Variants in TMEM132D observed in about 807,000 individuals in gnomAD.
The protein encoded by TMEM132D is mature OL transmembrane protein.
A neutral mutation model predicts 62.3 loss-of-function variants in TMEM132D; 21 were observed. That is an observed-to-expected ratio of 0.34 (90% CI 0.24 to 0.49). The LOEUF is 0.49. Ranked by LOEUF, TMEM132D falls within the 20% of genes least tolerant of loss-of-function variation. TMEM132D has a pLI of 0.99. For synonymous variants in TMEM132D, 621 were observed against 575.6 expected (o/e 1.08, Z -1.13); for missense variants, 1,346 against 1,402.8 (o/e 0.96, Z 0.65).
At chr12:129,524,755 G>T (rs528389076) in intron 3 of TMEM132D, among the ~76,000 whole-genome samples, 2 of 151,716 alleles carry the variant, frequency 1.3e-5, no homozygotes, top group South Asian at 2.1e-4. Context: ...ATCCCCAGAA[G>T]GGTATAAGAG....
At position 129,894,554 on chromosome 12, in the gene TMEM132D, T is replaced by C. The variant is rs77107462; in HGVS notation, c.79+8707A>G. Among the ~76,000 whole-genome samples, 698 of 152,252 alleles carry C rather than the reference T, an allele frequency of 4.6e-3. 4 individuals are homozygous for C. Among genetic ancestry groups the C allele is most frequent in the African/African-American group, 0.016 (645 of 41,548 alleles). On this transcript the variant is annotated intron_variant, in intron 1 of 8. Coordinates refer to ENST00000422113, the MANE Select transcript of TMEM132D (RefSeq NM_133448.3). ...TGGACTCCTAAGTCTCTTAAGATAA[T>C]TCGAAGCTTCATGTAACAGAGTCCT...
At chr12:129,308,797 TA>T (rs1881902582) in intron 4 of TMEM132D, among the ~76,000 whole-genome samples, 3 of 152,240 alleles carry the variant, frequency 2.0e-5, no homozygotes. Flanking sequence ...TATACACTTA[TA>T]GAGAATATTT....
chr12:129,240,239 A>C (rs1879899299), intron 4 of TMEM132D, among the ~76,000 whole-genome samples: 1 of 152,158 alleles, frequency 6.6e-6, no homozygotes, highest in Non-Finnish European at 1.5e-5. Context: ...TATTTGCTTT[A>C]TGTATAAAAT....
intron 5 of TMEM132D, among the ~76,000 whole-genome samples, chr12:129,140,614 G>A (rs944617005): frequency 6.6e-5 from 10 of 152,230 alleles, no homozygotes; most frequent in Middle Eastern, 3.4e-3. Flanking sequence ...TGAGACGGGC[G>A]GATCACGTAA....
At chr12:129,137,427 G>A (rs1876617039) in intron 5 of TMEM132D, among the ~76,000 whole-genome samples, 1 of 152,168 alleles carries the variant, frequency 6.6e-6, no homozygotes, top group Admixed American at 6.5e-5. Context: ...AGAAACTGAG[G>A]GTCAGGGAGG....
intron 3 of TMEM132D, chr12:129,521,304 TTTA>T (rs1875841091): frequency 1.3e-5 from 2 of 152,204 alleles, no homozygotes. Context: ...ACTACCTGCA[TTTA>T]TTAATTGGAA....
chr12:129,685,183 A>G (rs1165811394), intron 2 of TMEM132D, among the ~76,000 whole-genome samples: 1 of 152,184 alleles, frequency 6.6e-6, no homozygotes, highest in African/African-American at 2.4e-5. Flanking sequence ...GCCAAATGTT[A>G]ATCACCAAGA....
intron 2 of TMEM132D, among the ~76,000 whole-genome samples, chr12:129,565,856 G>A (rs1413327572): frequency 6.6e-6 from 1 of 152,198 alleles, no homozygotes; most frequent in East Asian, 1.9e-4. Context: ...ACACTTCCCA[G>A]TGATAGTGTT....
At chr12:129,794,183 G>A (rs1871489269) in intron 1 of TMEM132D, among the ~76,000 whole-genome samples, 1 of 150,248 alleles carries the variant, frequency 6.7e-6, no homozygotes, top group Admixed American at 6.6e-5. Flanking sequence ...CCACCTCCCA[G>A]GTTAAAGCAA....
chr12:129,686,134 G>C (rs545031518), intron 2 of TMEM132D, among the ~76,000 whole-genome samples: 1 of 152,270 alleles, frequency 6.6e-6, no homozygotes, highest in South Asian at 2.1e-4. Flanking sequence ...GGACACCGTT[G>C]GGAAGGCATG....
intron 4 of TMEM132D, among the ~76,000 whole-genome samples, chr12:129,270,344 CTTGAG>C (rs1476890976): frequency 6.6e-6 from 1 of 152,158 alleles, no homozygotes; most frequent in African/African-American, 2.4e-5. Context: ...CAGGGTACCA[CTTGAG>C]TTTAAATTCT....
intron 3 of TMEM132D, among the ~76,000 whole-genome samples, chr12:129,475,402 A>C (rs1874226441): frequency 6.6e-6 from 1 of 152,202 alleles, no homozygotes; most frequent in African/African-American, 2.4e-5. Flanking sequence ...ATCTATAAAA[A>C]AGGGACTCCT....
intron 1 of TMEM132D, among the ~76,000 whole-genome samples, chr12:129,710,617 T>C (rs1474585604): frequency 6.6e-6 from 1 of 152,172 alleles, no homozygotes; most frequent in African/African-American, 2.4e-5. Context: ...TGGAAAAACA[T>C]TATGCAAAAT....
intron 3 of TMEM132D, among the ~76,000 whole-genome samples, chr12:129,342,419 T>G (rs930843190): frequency 2.6e-5 from 4 of 151,126 alleles, no homozygotes; most frequent in African/African-American, 4.9e-5. Flanking sequence ...TATACAAAAA[T>G]TAATTCAAGA....
At chr12:129,480,742 G>A (rs191358868) in intron 3 of TMEM132D, among the ~76,000 whole-genome samples, 24 of 152,270 alleles carry the variant, frequency 1.6e-4, no homozygotes, top group Non-Finnish European at 2.9e-4. Flanking sequence ...TGGCAAGAAC[G>A]TAGAGAAACG....
rs529021696 is a variant in TMEM132D, at chr12:129,429,759, G to A, written c.1116-91942C>T. ...CTCCCCCGACCCCACAACAGGCCCC[G>A]GTGTGTGATGTTCCCCTCCCTGTGT... On this transcript the variant is annotated intron_variant, in intron 3 of 8. Coordinates refer to ENST00000422113, the MANE Select transcript of TMEM132D (RefSeq NM_133448.3). Among the ~76,000 whole-genome samples the A allele has an allele frequency of 5.7e-5, 6 of 105,386 alleles. No individual in the cohort carries two copies. In the South Asian group the frequency reaches 9.1e-4, roughly 16 times the overall value. 69.1% of individuals were successfully genotyped at this position (105,386 alleles called of 152,430 possible). A position where few individuals can be genotyped will look rare whatever the true frequency, so the allele number is the denominator to read the frequency against.
intron 3 of TMEM132D, among the ~76,000 whole-genome samples, chr12:129,361,098 T>G (rs1397585844): frequency 6.6e-6 from 1 of 152,074 alleles, no homozygotes; most frequent in Non-Finnish European, 1.5e-5. Context: ...ACTGAGCAAT[T>G]AATGGCTTGA....
At chr12:129,137,601 G>T (rs536104355) in intron 5 of TMEM132D, among the ~76,000 whole-genome samples, 1 of 152,168 alleles carries the variant, frequency 6.6e-6, no homozygotes, top group Non-Finnish European at 1.5e-5. Context: ...GGTGGTAGTG[G>T]CTCTGTGATA....
intron 3 of TMEM132D, among the ~76,000 whole-genome samples, chr12:129,410,278 G>A (rs545932243): frequency 4.6e-5 from 7 of 152,334 alleles, no homozygotes; most frequent in African/African-American, 1.7e-4. Flanking sequence ...TGCAACATTA[G>A]TGTATTCGTC....
Sources: gnomAD v4.1 joint callset for allele counts (sites outside exome capture counted in the v4.1 genomes callset) on GRCh38, gnomAD v4.1.1 for gene constraint, MANE v1.5 for transcripts, NCBI Gene and HGNC (gene_info 2026-07-23, HGNC 2026-07-21) for gene names.